The following RTKN2 variants were observed in gnomAD, a reference collection of about 807,000 sequenced individuals.
RTKN2 encodes rhotekin 2.
In RTKN2, 69 loss-of-function variants were observed where a neutral mutation model predicts 71.5. That is an observed-to-expected ratio of 0.96 (90% CI 0.79 to 1.18). The LOEUF (loss-of-function observed/expected upper bound fraction) is 1.18, where lower values mean the gene tolerates loss of function less well. RTKN2 is among the 50% of genes most tolerant of loss of function. The pLI, the probability that RTKN2 is intolerant of heterozygous loss-of-function variation, is 0.00. For synonymous variants in RTKN2, 236 were observed against 236.5 expected, an observed-to-expected ratio of 1.00 and a Z score of 0.02; for missense variants, 724 against 719.7, an observed-to-expected ratio of 1.01 and a Z score of -0.07.
At chr10:62,208,174 A>G (rs1402686677) in intron 9 of RTKN2, among the ~76,000 whole-genome samples, 1 of 152,178 alleles carries the variant, frequency 6.6e-6, no homozygotes, top group Non-Finnish European at 1.5e-5. Flanking sequence ...TTTAAAAATT[A>G]TTATTTTGAA....
chr10:62,255,830 G>A (rs144195784), intron 2 of RTKN2, among the ~76,000 whole-genome samples: 18 of 152,240 alleles, frequency 1.2e-4, no homozygotes, highest in Non-Finnish European at 2.5e-4. Flanking sequence ...GCATCAATTG[G>A]GAGCATATAA....
At chr10:62,239,538 C>T (rs1053470419) in intron 5 of RTKN2, 110 bp downstream of exon 5, 8 of 534,614 alleles carry the variant, frequency 1.5e-5, no homozygotes, top group Admixed American at 1.1e-4. Context: ...TTAAAGATCA[C>T]TTAAACATTT....
intron 5 of RTKN2, among the ~76,000 whole-genome samples, chr10:62,237,747 T>C (rs1842288338): frequency 6.6e-6 from 1 of 151,630 alleles, no homozygotes. Context: ...TTTTACTATC[T>C]GGTTATACAG....
intron 9 of RTKN2, chr10:62,215,098 A>G (rs1446927872): frequency 6.8e-7 from 1 of 1,466,444 alleles, no homozygotes; most frequent in Non-Finnish European, 9.3e-7. Flanking sequence ...ATGACTTCAA[A>G]AATATCATTT....
intron 6 of RTKN2, among the ~76,000 whole-genome samples, chr10:62,225,874 C>T (rs563094922): frequency 3.0e-4 from 46 of 151,964 alleles, no homozygotes; most frequent in Middle Eastern, 3.4e-3. Context: ...CTCCGCCTTC[C>T]GGGTTCATGC....
chr10:62,247,858 T>C (rs1842507876), intron 2 of RTKN2, among the ~76,000 whole-genome samples: 1 of 152,058 alleles, frequency 6.6e-6, no homozygotes, highest in Admixed American at 6.6e-5. Context: ...TAATATAAAT[T>C]CTTAAAATAC....
chr10:62,208,024 G>A (rs115909801), intron 9 of RTKN2, among the ~76,000 whole-genome samples: 3 of 151,942 alleles, frequency 2.0e-5, no homozygotes, highest in Admixed American at 6.6e-5. Context: ...TTTGCTTTTC[G>A]TCAGTCTGCA....
intron 9 of RTKN2, among the ~76,000 whole-genome samples, chr10:62,211,805 C>T (rs1482715270): frequency 6.6e-6 from 1 of 152,092 alleles, no homozygotes; most frequent in Non-Finnish European, 1.5e-5. Context: ...ACTGGGACTA[C>T]AGGCGTGTGC....
chr10:62,240,654 C>T (rs73287448), intron 4 of RTKN2, among the ~76,000 whole-genome samples: 3,253 of 152,176 alleles, frequency 0.021, 112 homozygotes, highest in African/African-American at 0.075. Context: ...GGTTAATTTC[C>T]ATGACCTAAG....
In RTKN2 at chr10:62,195,601, GGGAATGAA is replaced by G. The variant is rs1841309050; in HGVS notation, c.*2299_*2306del. The G allele has an allele frequency of 1.9e-6, 1 of 522,768 alleles. No individual in the cohort carries two copies. Among genetic ancestry groups the G allele is most frequent in the Non-Finnish European group, 2.3e-6 (1 of 426,836 alleles). The allele number at this position is 522,768 out of a possible 1,614,324, so 32.4% of individuals were successfully genotyped here. On this transcript the variant is annotated 3_prime_UTR_variant, in exon 12 of 12. Transcript: ENST00000373789. Reference sequence around the variant, plus strand: ...AAGGAGGGAAGGAGAGACGGACAGAGGGAATGAAGGAAGGAAGGAAGGAAGGAAGGAAG... The same window carrying G: ...AAGGAGGGAAGGAGAGACGGACAGAGGGAAGGAAGGAAGGAAGGAAGGAAG...
chr10:62,243,249 T>C (rs1197329177), intron 3 of RTKN2, among the ~76,000 whole-genome samples: 1 of 151,574 alleles, frequency 6.6e-6, no homozygotes, highest in Non-Finnish European at 1.5e-5. Flanking sequence ...CTTTTATTCT[T>C]ATTATTTTAG....
intron 9 of RTKN2, among the ~76,000 whole-genome samples, chr10:62,212,032 T>A (rs1312181367): frequency 6.6e-6 from 1 of 152,138 alleles, no homozygotes; most frequent in East Asian, 1.9e-4. Context: ...AAACTGGTTT[T>A]TATCCTTTGT....
chr10:62,222,713 A>G (rs189237910), intron 7 of RTKN2, among the ~76,000 whole-genome samples: 3 of 152,288 alleles, frequency 2.0e-5, no homozygotes, highest in Admixed American at 1.3e-4. Flanking sequence ...TGCTCATGCT[A>G]AGTTTTACAA....
Position 62,197,771 on chromosome 10 carries a change from T to C in RTKN2, c.*137A>G. The C allele has an allele frequency of 7.1e-7, 1 of 1,417,426 alleles. No individual in the cohort carries two copies. Among genetic ancestry groups the C allele is most frequent in the African/African-American group, 1.4e-5 (1 of 69,316 alleles). The allele number at this position is 1,417,426 out of a possible 1,614,324, so 87.8% of individuals were successfully genotyped here. A position where few individuals can be genotyped will look rare whatever the true frequency, so the allele number is the denominator to read the frequency against. On this transcript the variant is annotated 3_prime_UTR_variant, in exon 12 of 12. Transcript: ENST00000373789. Reference sequence around the variant, plus strand: ...ATCCACTTCTTCATTATAAAATGTTTTTCTATACCTAATAGCTTATTAATT... The same window carrying C: ...ATCCACTTCTTCATTATAAAATGTTCTTCTATACCTAATAGCTTATTAATT...
intron 8 of RTKN2, among the ~76,000 whole-genome samples, chr10:62,185,781 C>A (rs1841126264): frequency 6.6e-6 from 1 of 152,232 alleles, no homozygotes; most frequent in African/African-American, 2.4e-5. Flanking sequence ...CCTCACCTTG[C>A]AGCCACCCCA....
At chr10:62,221,843 G>A (rs544743638) in intron 7 of RTKN2, among the ~76,000 whole-genome samples, 11 of 152,104 alleles carry the variant, frequency 7.2e-5, no homozygotes, top group Non-Finnish European at 1.3e-4. Context: ...TATCAGAATG[G>A]AAAAGAGGGA....
rs57052010 is a variant in RTKN2 at position 62,194,059 on chromosome 10, C to T, written c.*3849G>A. The T allele has an allele frequency of 8.7e-4, 858 of 981,720 alleles. 9 individuals carry two copies. The African/African-American group carries it at 0.014, about 16-fold the overall frequency. The allele number at this position is 981,720 out of a possible 1,614,324, so 60.8% of individuals were successfully genotyped here. A position where few individuals can be genotyped will look rare whatever the true frequency, so the allele number is the denominator to read the frequency against. ...AATTACATGACTTGGGCTCGCTTAC[C>T]AAATACCTTTGGTACTTTAAAAAAT... On this transcript the variant is annotated 3_prime_UTR_variant, in exon 12 of 12. Coordinates refer to ENST00000373789, the MANE Select transcript of RTKN2 (RefSeq NM_145307.4).
downstream of RTKN2, among the ~76,000 whole-genome samples, chr10:62,192,466 C>A (rs566250397): frequency 6.6e-6 from 1 of 152,148 alleles, no homozygotes; most frequent in South Asian, 2.1e-4. Flanking sequence ...CCCATGAAGA[C>A]GATGAGATAT....
intron 10 of RTKN2, 136 bp from the exon 11 acceptor site, chr10:62,199,997 G>A (rs1406135502): frequency 3.5e-6 from 2 of 564,092 alleles, no homozygotes; most frequent in African/African-American, 3.8e-5. Context: ...TGCGTTAAGG[G>A]AGGCTTGCAG....
Sources: allele counts gnomAD v4.1 joint callset (sites outside exome capture counted in the v4.1 genomes callset), GRCh38; gene constraint gnomAD v4.1.1; transcripts MANE v1.5; gene names NCBI Gene and HGNC (gene_info 2026-07-23, HGNC 2026-07-21).